The following FAM163A variants were observed in gnomAD, a reference collection of about 807,000 sequenced individuals.
FAM163A encodes the protein family with sequence similarity 163 member A.
Under a neutral mutation model 12.0 loss-of-function variants are expected in FAM163A, and 7 were observed. The observed-to-expected ratio is 0.58, with a 90% CI of 0.33 to 1.10. FAM163A has a LOEUF of 1.10. Among genes scored for constraint, FAM163A ranks in the 50% least tolerant of loss-of-function variants. The pLI, the probability that FAM163A is intolerant of heterozygous loss-of-function variation, is 0.03. For synonymous variants in FAM163A, 101 were observed against 91.0 expected, an observed-to-expected ratio of 1.11 and a Z score of -0.62; for missense variants, 202 against 218.6, an observed-to-expected ratio of 0.92 and a Z score of 0.48.
chr1:179,773,431 G>T (rs1389720812), intron 1 of FAM163A, among the ~76,000 whole-genome samples: 1 of 152,176 alleles, frequency 6.6e-6, no homozygotes, highest in Non-Finnish European at 1.5e-5. Context: ...TCAATTTCCT[G>T]GTGTGATATT....
At chr1:179,746,052 A>G (rs1684419881) in intron 1 of FAM163A, among the ~76,000 whole-genome samples, 1 of 152,264 alleles carries the variant, frequency 6.6e-6, no homozygotes, top group Non-Finnish European at 1.5e-5. Context: ...TAACTCCTAC[A>G]CAAAGGACTA....
chr1:179,794,581 A>G (rs1692000589), intron 1 of FAM163A, among the ~76,000 whole-genome samples: 2 of 152,212 alleles, frequency 1.3e-5, no homozygotes, highest in South Asian at 4.1e-4. Flanking sequence ...TCATTATAAC[A>G]ACACTAATTT....
chr1:179,759,954 AC>A (rs1322498291), intron 1 of FAM163A, among the ~76,000 whole-genome samples: 2 of 152,212 alleles, frequency 1.3e-5, no homozygotes, highest in Non-Finnish European at 2.9e-5. Context: ...GGCATGAGCC[AC>A]CACGCCCCGC....
At chr1:179,766,463 A>G (rs1021911405) in intron 1 of FAM163A, among the ~76,000 whole-genome samples, 3 of 152,348 alleles carry the variant, frequency 2.0e-5, no homozygotes, top group Admixed American at 6.5e-5. Flanking sequence ...TTTGTGTCCA[A>G]TCATATTTCT....
intron 2 of FAM163A, among the ~76,000 whole-genome samples, chr1:179,810,025 A>T (rs1452358931): frequency 6.6e-6 from 1 of 152,162 alleles, no homozygotes; most frequent in African/African-American, 2.4e-5. Context: ...GGTCTGTCAG[A>T]GTCATAACTG....
chr1:179,807,208 G>A (rs935691223), intron 1 of FAM163A, among the ~76,000 whole-genome samples: 7 of 152,134 alleles, frequency 4.6e-5, no homozygotes, highest in African/African-American at 7.2e-5. Context: ...TGGATGTCTC[G>A]GGAGGGCCCT....
rs867596478 is a variant in FAM163A at position 179,813,707 on chromosome 1, G to A, written c.94-72G>A. On this transcript the variant is annotated intron_variant, in intron 4 of 4. Transcript: ENST00000341785. ...CATGGAGCAGGGGACAGGGGCACCT[G>A]TGCACGCTCAAAAATGCATGGGGCG... The A allele has an allele frequency of 6.4e-6, 10 of 1,561,206 alleles. No individual in the cohort carries two copies. The South Asian group carries it at 1.1e-4, about 17-fold the overall frequency.
intron 3 of FAM163A, among the ~76,000 whole-genome samples, chr1:179,812,847 T>A (rs1412483191): frequency 6.6e-6 from 1 of 152,090 alleles, no homozygotes; most frequent in Non-Finnish European, 1.5e-5. Flanking sequence ...AGGGGAAAGA[T>A]CGTGAGAACT....
At chr1:179,805,688 A>G (rs922013575) in intron 1 of FAM163A, among the ~76,000 whole-genome samples, 26 of 151,978 alleles carry the variant, frequency 1.7e-4, no homozygotes, top group Non-Finnish European at 3.7e-4. Flanking sequence ...TCTGCTGTCT[A>G]CACCGCCCTG....
intron 1 of FAM163A, among the ~76,000 whole-genome samples, chr1:179,788,912 C>T (rs979431865): frequency 4.6e-5 from 7 of 152,222 alleles, no homozygotes; most frequent in South Asian, 2.1e-4. Context: ...TCTATGTGCA[C>T]TGTGGTGCTG....
intron 1 of FAM163A, among the ~76,000 whole-genome samples, chr1:179,776,768 A>G (rs528321933): frequency 3.0e-4 from 45 of 152,370 alleles, no homozygotes; most frequent in African/African-American, 8.9e-4. Context: ...TTCATATATC[A>G]TAAAAGCACC....
chr1:179,779,229 TA>T (rs1184844101), intron 1 of FAM163A, among the ~76,000 whole-genome samples: 1 of 152,164 alleles, frequency 6.6e-6, no homozygotes, highest in African/African-American at 2.4e-5. Flanking sequence ...CATATCAAAA[TA>T]AAATATTTTA....
upstream of FAM163A, among the ~76,000 whole-genome samples, chr1:179,741,655 G>C (rs974273450): frequency 1.3e-5 from 2 of 152,172 alleles, no homozygotes; most frequent in Non-Finnish European, 2.9e-5. Context: ...CAACCAAATG[G>C]AAGAAGAGGC....
chr1:179,736,296 C>G, the FAM163A span, among the ~76,000 whole-genome samples: 1 of 150,980 alleles, frequency 6.6e-6, no homozygotes, highest in South Asian at 2.1e-4. Context: ...GGGTTAATAT[C>G]TGAACTATAC....
intron 1 of FAM163A, among the ~76,000 whole-genome samples, chr1:179,752,112 G>C (rs1011506765): frequency 1.3e-5 from 2 of 152,170 alleles, no homozygotes; most frequent in Admixed American, 6.5e-5. Context: ...TAGATTAATG[G>C]AACAGAATAG....
chr1:179,782,360 T>TGGGGAAGG (rs1689901103), intron 1 of FAM163A, among the ~76,000 whole-genome samples: 1 of 150,294 alleles, frequency 6.7e-6, no homozygotes, highest in African/African-American at 2.5e-5. Context: ...GGGGCAGAGA[T>TGGGGAAGG]GGGGAAGGGG....
intron 1 of FAM163A, among the ~76,000 whole-genome samples, chr1:179,762,117 A>AATGG (rs1280498813): frequency 6.6e-6 from 1 of 152,188 alleles, no homozygotes; most frequent in Non-Finnish European, 1.5e-5. Flanking sequence ...GCTCTTGTTG[A>AATGG]ATGGATGGAT....
At chr1:179,729,395 G>T in the FAM163A span, among the ~76,000 whole-genome samples, 3 of 152,172 alleles carry the variant, frequency 2.0e-5, no homozygotes, top group African/African-American at 7.2e-5. Flanking sequence ...GGATCTTAGA[G>T]TTTCACTGGG....
Position 179,763,286 on chromosome 1 carries a change from A to G in FAM163A, c.-136+19863A>G, listed in dbSNP as rs200050284. Among the ~76,000 whole-genome samples the G allele has an allele frequency of 5.3e-5, 8 of 152,330 alleles. No homozygotes were observed. The East Asian group carries it at 1.5e-3, about 29-fold the overall frequency. Reference sequence around the variant, plus strand: ...ATGTAACTTTCCCTTACAAAAGGGTAACTTCTACTCTCTTTTCAGAGCTTC... The same window carrying G: ...ATGTAACTTTCCCTTACAAAAGGGTGACTTCTACTCTCTTTTCAGAGCTTC... On this transcript the variant is annotated intron_variant, in intron 1 of 4. Transcript: ENST00000341785.
Sources: allele counts gnomAD v4.1 joint callset (sites outside exome capture counted in the v4.1 genomes callset), GRCh38; gene constraint gnomAD v4.1.1; transcripts MANE v1.5; gene names NCBI Gene and HGNC (gene_info 2026-07-23, HGNC 2026-07-21).